Variants in TMEM117 observed in about 807,000 individuals in gnomAD.
TMEM117 encodes transmembrane protein 117.
In TMEM117, 27 loss-of-function variants were observed where a neutral mutation model predicts 52.4. That is an observed-to-expected ratio of 0.51 (90% CI 0.38 to 0.71). The LOEUF (loss-of-function observed/expected upper bound fraction) is 0.71. Ranked by LOEUF, TMEM117 falls within the 30% of genes least tolerant of loss-of-function variation. The probability of loss-of-function intolerance (pLI) is 0.00; values close to 1 mark genes in which losing one functional copy is unlikely to be tolerated. For synonymous variants in TMEM117, 215 were observed against 206.3 expected (o/e 1.04, Z -0.36); for missense variants, 556 against 630.5 (o/e 0.88, Z 1.26).
intron 3 of TMEM117, among the ~76,000 whole-genome samples, chr12:44,027,041 T>G (rs1037132923): frequency 6.6e-6 from 1 of 151,328 alleles, no homozygotes; most frequent in African/African-American, 2.4e-5. Flanking sequence ...AGTAGTTAGC[T>G]CATTTCTTTG....
chr12:44,263,391 T>A (rs1007644829), intron 5 of TMEM117: 1 of 152,176 alleles, frequency 6.6e-6, no homozygotes, highest in African/African-American at 2.4e-5. Flanking sequence ...TAGGAATGCT[T>A]TTACAGTGTT....
intron 3 of TMEM117, among the ~76,000 whole-genome samples, chr12:44,024,552 A>G (rs949651873): frequency 2.0e-5 from 3 of 151,328 alleles, no homozygotes; most frequent in Non-Finnish European, 4.4e-5. Flanking sequence ...AAAAGAAAGG[A>G]AGAATGGAAG....
At chr12:43,835,486 G>A (rs1434058015), upstream of TMEM117, among the ~76,000 whole-genome samples, 1 of 152,074 alleles carries the variant, frequency 6.6e-6, no homozygotes, top group African/African-American at 2.4e-5. Flanking sequence ...GCATATGTGT[G>A]TGTGTGTGTG....
chr12:43,920,669 C>T (rs1429829164), intron 2 of TMEM117, among the ~76,000 whole-genome samples: 7 of 151,200 alleles, frequency 4.6e-5, no homozygotes, highest in Non-Finnish European at 7.4e-5. Context: ...ATCCCTCTGC[C>T]TCAGCCTCCT....
chr12:44,202,669 C>T lies in TMEM117; in HGVS notation c.511-8621C>T, dbSNP rs142341059. 2.4e-3 allele frequency among the ~76,000 whole-genome samples: 365 copies of T among 152,132 alleles called. 12 individuals are homozygous for T. The East Asian group carries it at 0.035, about 15-fold the overall frequency. On this transcript the variant is annotated intron_variant, in intron 4 of 7. Coordinates refer to ENST00000266534, the MANE Select transcript of TMEM117 (RefSeq NM_032256.3). ...GATGCCGGCCTCATAGAATGAGTTA[C>T]GGAGATATTCCTCTTCCTTGATTTT...
chr12:44,116,458 G>T (rs956582778), intron 3 of TMEM117, among the ~76,000 whole-genome samples: 1 of 151,604 alleles, frequency 6.6e-6, no homozygotes, highest in African/African-American at 2.4e-5. Flanking sequence ...CTCAGATTAT[G>T]GCCTCAATTT....
At chr12:44,381,162 C>A (rs1952014582) in intron 7 of TMEM117, among the ~76,000 whole-genome samples, 1 of 152,092 alleles carries the variant, frequency 6.6e-6, no homozygotes, top group South Asian at 2.1e-4. Context: ...AAAAATAAAT[C>A]ATTTCTATCC....
intron 6 of TMEM117, among the ~76,000 whole-genome samples, chr12:44,314,465 A>T (rs560558173): frequency 6.6e-6 from 1 of 151,702 alleles, no homozygotes; most frequent in Admixed American, 6.6e-5. Context: ...TGGTGACTTA[A>T]CTTTTTGATA....
At chr12:44,183,684 A>G (rs1365282260) in intron 4 of TMEM117, among the ~76,000 whole-genome samples, 1 of 152,160 alleles carries the variant, frequency 6.6e-6, no homozygotes, top group African/African-American at 2.4e-5. Flanking sequence ...CATAAGGAAT[A>G]AGGTCTCAAA....
chr12:44,327,118 A>T (rs1951206793), intron 6 of TMEM117, among the ~76,000 whole-genome samples: 1 of 152,190 alleles, frequency 6.6e-6, no homozygotes, highest in African/African-American at 2.4e-5. Context: ...TGGGGCTACA[A>T]AGGTAATTAA....
chr12:44,159,716 A>G (rs187665414), intron 4 of TMEM117, among the ~76,000 whole-genome samples: 134 of 152,322 alleles, frequency 8.8e-4, no homozygotes, highest in African/African-American at 3.0e-3. Flanking sequence ...AAGTATATTT[A>G]TGGTTCTCCG....
intron 2 of TMEM117, among the ~76,000 whole-genome samples, chr12:43,893,032 G>C (rs993376036): frequency 2.0e-5 from 3 of 152,218 alleles, no homozygotes; most frequent in Non-Finnish European, 4.4e-5. Flanking sequence ...ACAGCAAGAA[G>C]GACAGCGTAG....
At chr12:43,961,157 T>C (rs1945396479) in intron 3 of TMEM117, among the ~76,000 whole-genome samples, 1 of 152,140 alleles carries the variant, frequency 6.6e-6, no homozygotes, top group South Asian at 2.1e-4. Flanking sequence ...GCAAAACAAT[T>C]GGTATGATGC....
At chr12:44,243,017 A>C (rs1362806847) in intron 5 of TMEM117, among the ~76,000 whole-genome samples, 1 of 151,838 alleles carries the variant, frequency 6.6e-6, no homozygotes, top group Non-Finnish European at 1.5e-5. Context: ...GATATTGAGC[A>C]TTTTTTCATA....
rs1183515995 is a variant in TMEM117 at position 43,993,613 on chromosome 12, C to T, written c.410+49271C>T. 2.0e-5 allele frequency among the ~76,000 whole-genome samples: 3 copies of T among 152,074 alleles called. No homozygotes were observed. In the East Asian group the frequency reaches 5.8e-4, roughly 29 times the overall value. On this transcript the variant is annotated intron_variant, in intron 3 of 7. Transcript: ENST00000266534. ...TGGGAGGGAGGTGAAAAAAACATCA[C>T]TATGTATCTATCTCAGGCAGGCAGC...
At chr12:44,152,582 TATA>T (rs1190395211) in intron 4 of TMEM117, among the ~76,000 whole-genome samples, 7 of 122,758 alleles carry the variant, frequency 5.7e-5, no homozygotes, top group East Asian at 4.8e-4. Flanking sequence ...AATTTATATA[TATA>T]ATATTTATAT....
At chr12:44,317,006 T>C (rs1368306149) in intron 6 of TMEM117, among the ~76,000 whole-genome samples, 1 of 140,496 alleles carries the variant, frequency 7.1e-6, no homozygotes, top group Non-Finnish European at 1.5e-5. Context: ...CTTTTTCTTT[T>C]TTTTTTTTTT....
At chr12:43,832,229 G>C (rs929548990), upstream of TMEM117, among the ~76,000 whole-genome samples, 1 of 152,212 alleles carries the variant, frequency 6.6e-6, no homozygotes, top group African/African-American at 2.4e-5. Context: ...CCTGGCTACT[G>C]GGCCAATTGA....
At chr12:44,076,841 T>A (rs1947390523) in intron 3 of TMEM117, among the ~76,000 whole-genome samples, 1 of 152,094 alleles carries the variant, frequency 6.6e-6, no homozygotes. Flanking sequence ...ATGGAAGATA[T>A]GAAAAAATCA....
Sources: allele counts gnomAD v4.1 joint callset (sites outside exome capture counted in the v4.1 genomes callset), GRCh38; gene constraint gnomAD v4.1.1; transcripts MANE v1.5; gene names NCBI Gene and HGNC (gene_info 2026-07-23, HGNC 2026-07-21).